TBX21: variants seen among roughly 807,000 people sequenced by gnomAD.
The protein encoded by TBX21 is T-box transcription factor TBX21.
Under a neutral mutation model 52.2 loss-of-function variants are expected in TBX21, and 11 were observed. That is an observed-to-expected ratio of 0.21 (90% CI 0.13 to 0.35). The LOEUF is 0.35. Among genes scored for constraint, TBX21 ranks in the 10% least tolerant of loss-of-function variants. The pLI, the probability that TBX21 is intolerant of heterozygous loss-of-function variation, is 1.00. For missense variants in TBX21, 625 were observed against 755.1 expected, an observed-to-expected ratio of 0.83 and a Z score of 2.02; for synonymous variants, 300 against 316.1, an observed-to-expected ratio of 0.95 and a Z score of 0.54.
At chr17:47,744,674 T>C (rs2032307598) in intron 5 of TBX21, 74 bp from the exon 6 acceptor site, 4 of 1,596,748 alleles carry the variant, frequency 2.5e-6, no homozygotes, top group Non-Finnish European at 3.4e-6. Context: ...GGAGAAGGAA[T>C]GTGTGAAACA....
Position 47,733,544 on chromosome 17 carries a change from C to G in TBX21, c.90C>G (p.Asp30Glu). Residue 30 changes from aspartate (D) to glutamate (E), a missense_variant, in exon 1 of 6, where the codon GAC (aspartate) becomes GAG (glutamate). Physicochemically the swap from Asp to Glu is conservative, Grantham distance 45. Coordinates refer to ENST00000177694, the MANE Select transcript of TBX21 (RefSeq NM_013351.2). The surrounding 1 kb of genome is among the most constrained non-coding windows in gnomAD (Gnocchi z 6.6). The stretch of plus-strand genomic sequence containing the variant: ...ACGAGGGCCGGGCGCCTGGCGCCGA[C>G]CCGCAGCACCGCTACTTCTACCCGG... ...GSDEGRAPGA[D>E]PQHRYFYPEP... The G allele has an allele frequency of 3.4e-6, 5 of 1,490,218 alleles. No individual in the cohort carries two copies. The highest frequency in any genetic ancestry group is 2.9e-5 in the African/African-American group (2 of 68,502). The allele number at this position is 1,490,218 out of a possible 1,614,324, so 92.3% of individuals were successfully genotyped here. A position where few individuals can be genotyped will look rare whatever the true frequency, so the allele number is the denominator to read the frequency against.
At chr17:47,734,310 G>A (rs1009228584) in intron 1 of TBX21, among the ~76,000 whole-genome samples, 5 of 152,144 alleles carry the variant, frequency 3.3e-5, no homozygotes, top group African/African-American at 1.2e-4. Flanking sequence ...TGCTCTGGGC[G>A]GACAGGACGC....
At chr17:47,736,526 C>T (rs1288440383) in intron 1 of TBX21, among the ~76,000 whole-genome samples, 3 of 152,182 alleles carry the variant, frequency 2.0e-5, no homozygotes, top group Non-Finnish European at 2.9e-5. Flanking sequence ...TGAGGGGCTC[C>T]ATACGCGGGG....
At chr17:47,734,591 GT>G (rs1567918884) in intron 1 of TBX21, among the ~76,000 whole-genome samples, 2 of 140,596 alleles carry the variant, frequency 1.4e-5, no homozygotes, top group East Asian at 2.0e-4. Context: ...GTGTGTGTGT[GT>G]GTGTGTGTGT....
At position 47,739,457 on chromosome 17, in the gene TBX21, T is replaced by C. The variant is rs149874704; in HGVS notation, c.492-3153T>C. ...CCTGTGCAGCATAGCAGACTCCATCTCTTAAAAAAAAATCAGTATGGCCTG... is the reference window on the plus strand; with the variant it reads ...CCTGTGCAGCATAGCAGACTCCATCCCTTAAAAAAAAATCAGTATGGCCTG... On this transcript the variant is annotated intron_variant, in intron 1 of 5. Transcript: ENST00000177694. 3.1e-3 allele frequency among the ~76,000 whole-genome samples: 353 copies of C among 113,474 alleles called. 1 individual carries two copies. Among genetic ancestry groups the C allele is most frequent in the African/African-American group, 0.012 (327 of 28,430 alleles). The allele number at this position is 113,474 out of a possible 152,430, so 74.4% of individuals were successfully genotyped here.
intron 1 of TBX21, among the ~76,000 whole-genome samples, chr17:47,736,067 C>T (rs900564950): frequency 6.6e-6 from 1 of 152,214 alleles, no homozygotes; most frequent in Non-Finnish European, 1.5e-5. Flanking sequence ...GGATGATTCT[C>T]GAAGTGTGTA....
rs1031887952 is a variant in TBX21 at position 47,742,894 on chromosome 17, C to T, written c.646+130C>T. 1.0e-5 allele frequency: 15 copies of T among 1,474,052 alleles called. No homozygotes were observed. Among genetic ancestry groups the T allele is most frequent in the Non-Finnish European group, 1.2e-5 (13 of 1,108,898 alleles). 91.3% of individuals were successfully genotyped at this position (1,474,052 alleles called of 1,614,324 possible). A position where few individuals can be genotyped will look rare whatever the true frequency, so the allele number is the denominator to read the frequency against. ...CCCACTCCATCCCACGCCATTGCAT[C>T]CCTCCTGTTTCTGGCTTCCTGCTTT... On this transcript the variant is annotated intron_variant, in intron 2 of 5. Transcript: ENST00000177694. This position sits in a 1 kb window ranked among gnomAD's most constrained non-coding sequence, Gnocchi z 4.4.
intron 1 of TBX21, among the ~76,000 whole-genome samples, chr17:47,741,276 G>T (rs1160743582): frequency 1.3e-5 from 2 of 152,056 alleles, no homozygotes; most frequent in South Asian, 2.1e-4. Context: ...TTGTAGTGAC[G>T]GTGGTTGTGA....
chr17:47,741,185 G>A (rs2032263529), intron 1 of TBX21, among the ~76,000 whole-genome samples: 16 of 152,008 alleles, frequency 1.1e-4, no homozygotes, highest in Admixed American at 1.0e-3. Context: ...TGGTTGTGAT[G>A]GTGAAGGTGG....
Position 47,744,269 on chromosome 17 carries a change from G to A in TBX21, c.843G>A (p.Glu281=). 1.9e-6 allele frequency: 3 copies of A among 1,614,212 alleles called. No homozygotes were observed. Among genetic ancestry groups the A allele is most frequent in the Non-Finnish European group, 2.5e-6 (3 of 1,180,044 alleles). The change falls in exon 4 of 6, where the codon GAG becomes GAA. Residue 281 remains glutamate (E), a synonymous_variant. Transcript: ENST00000177694. Reference sequence around the variant, plus strand: ...TTGAGGTGAACGACGGAGAGCCAGAGGCAGCCTGCAACGCTTCCAACACGC... The same window carrying A: ...TTGAGGTGAACGACGGAGAGCCAGAAGCAGCCTGCAACGCTTCCAACACGC... The part of the protein sequence containing the change: ...HIVEVNDGEP[E]AACNASNTHI...
chr17:47,734,574 T>TGG lies in TBX21; in HGVS notation c.491+630_491+631insGG, dbSNP rs1199700173. The stretch of plus-strand genomic sequence containing the variant: ...TGTCTGGTGTGTGTGTGTGTGTGTG[T>TGG]GTGTGTGTGTGTGTGTGTGTGTGTG... On this transcript the variant is annotated intron_variant, in intron 1 of 5. Coordinates refer to ENST00000177694, the MANE Select transcript of TBX21 (RefSeq NM_013351.2). 1.6e-4 allele frequency among the ~76,000 whole-genome samples: 20 copies of TGG among 126,810 alleles called. 1 individual carries two copies. The highest frequency in any genetic ancestry group is 2.4e-4 in the Admixed American group (3 of 12,448). 83.2% of individuals were successfully genotyped at this position (126,810 alleles called of 152,430 possible). A position where few individuals can be genotyped will look rare whatever the true frequency, so the allele number is the denominator to read the frequency against.
chr17:47,743,842 T>C (rs2032295171), intron 3 of TBX21, among the ~76,000 whole-genome samples: 1 of 139,410 alleles, frequency 7.2e-6, no homozygotes, highest in Non-Finnish European at 1.5e-5. Context: ...ATCATGCCAT[T>C]GCACTCCAGC....
chr17:47,736,649 T>C (rs2032209899), intron 1 of TBX21, among the ~76,000 whole-genome samples: 1 of 152,056 alleles, frequency 6.6e-6, no homozygotes, highest in Admixed American at 6.6e-5. Flanking sequence ...ACAACCCCAA[T>C]TCAGTCCCAC....
Position 47,744,928 on chromosome 17 carries a change from C to T in TBX21, c.1170C>T (p.Pro390=), listed in dbSNP as rs371452750. Reference sequence around the variant, plus strand: ...CCCAGGCTTACTGGCTGGGGGCCCCCCGGGACCACAGCTATGAGGCTGAGT... The same window carrying T: ...CCCAGGCTTACTGGCTGGGGGCCCCTCGGGACCACAGCTATGAGGCTGAGT... ...VVPQAYWLGA[P]RDHSYEAEFR... The change falls in exon 6 of 6, where the codon CCC becomes CCT. Residue 390 remains proline, a synonymous_variant. Coordinates refer to ENST00000177694, the MANE Select transcript of TBX21 (RefSeq NM_013351.2). 1.5e-4 allele frequency: 236 copies of T among 1,613,952 alleles called. No homozygotes were observed. Among genetic ancestry groups the T allele is most frequent in the Non-Finnish European group, 2.0e-4 (234 of 1,180,010 alleles).
chr17:47,733,404 CGCGGAGGG>C lies in TBX21; in HGVS notation c.-46_-39del, dbSNP rs1048266616. The C allele has an allele frequency of 7.0e-7, 1 of 1,430,972 alleles. No individual in the cohort carries two copies. Among genetic ancestry groups the C allele is most frequent in the African/African-American group, 1.5e-5 (1 of 66,702 alleles). The allele number at this position is 1,430,972 out of a possible 1,614,324, so 88.6% of individuals were successfully genotyped here. On this transcript the variant is annotated 5_prime_UTR_variant, in exon 1 of 6. Transcript: ENST00000177694. This position sits in a 1 kb window ranked among gnomAD's most constrained non-coding sequence, Gnocchi z 6.6. ...TCCCAGCCCACGCGACCCTCTCGCG[CGCGGAGGG>C]GCGGGTCCTCGACGGCTACGGGAAG...
intron 1 of TBX21, among the ~76,000 whole-genome samples, chr17:47,734,318 C>T (rs1302045117): frequency 1.3e-5 from 2 of 152,112 alleles, no homozygotes; most frequent in African/African-American, 4.8e-5. Context: ...GCGGACAGGA[C>T]GCCTGGGCCT....
chr17:47,743,556 C>T (rs972230975), intron 3 of TBX21, among the ~76,000 whole-genome samples: 2 of 152,052 alleles, frequency 1.3e-5, no homozygotes, highest in Non-Finnish European at 2.9e-5. Context: ...GAATAGATGC[C>T]GAGTTTCTCT....
intron 1 of TBX21, 102 bp downstream of exon 1, chr17:47,734,047 T>C: frequency 6.4e-7 from 1 of 1,574,294 alleles, no homozygotes; most frequent in Non-Finnish European, 8.7e-7. Context: ...TCCGTGTCCC[T>C]CACTGCTTTG....
intron 1 of TBX21, among the ~76,000 whole-genome samples, chr17:47,736,532 C>T (rs970793173): frequency 3.9e-5 from 6 of 152,044 alleles, no homozygotes; most frequent in African/African-American, 1.2e-4. Flanking sequence ...GCTCCATACG[C>T]GGGGTCCCTG....
Sources: gnomAD v4.1 joint callset for allele counts (sites outside exome capture counted in the v4.1 genomes callset) on GRCh38, gnomAD v4.1.1 for gene constraint, Gnocchi (gnomAD v3.1) non-coding constraint, MANE v1.5 for transcripts, NCBI Gene and HGNC (gene_info 2026-07-23, HGNC 2026-07-21) for gene names.